Variants in ATP13A1 observed in about 807,000 individuals in gnomAD.
The protein encoded by ATP13A1 is ATPase 13A1.
ATP13A1 carries 55 observed loss-of-function variants against 134.8 expected under a neutral mutation model. The ratio of observed to expected loss-of-function variants is 0.41; its 90% CI spans 0.33 to 0.51. The LOEUF is 0.51. Ranked by LOEUF, ATP13A1 falls within the 20% of genes least tolerant of loss-of-function variation. ATP13A1 has a pLI of 0.29. For missense variants in ATP13A1, 1,389 were observed against 1,652.8 expected (o/e 0.84, Z 2.77); for synonymous variants, 775 against 725.1 (o/e 1.07, Z -1.10).
chr19:19,646,056 G>T, intron 23 of ATP13A1, 71 bp from the exon 24 acceptor site: 1 of 1,597,734 alleles, frequency 6.3e-7, no homozygotes. Flanking sequence ...GCTTCCTGCT[G>T]CCCTGGCACA....
At position 19,659,649 on chromosome 19, in the gene ATP13A1, T is replaced by G. The variant is rs755906081; in HGVS notation, c.629A>C (p.Gln210Pro). The G allele has an allele frequency of 1.9e-6, 3 of 1,613,886 alleles. No individual in the cohort carries two copies. The highest frequency in any genetic ancestry group is 2.5e-6 in the Non-Finnish European group (3 of 1,179,812). Reference protein sequence around the residue: ...FSYYQSNRGFQEDSEIRAAEK... With the variant: ...FSYYQSNRGFPEDSEIRAAEK... ...AGCTGCTCGGATCTCTGAGTCTTCC[T>G]GGAAGCCTCTGTTGCTCTGATAGTA... The change falls in exon 3 of 26, where the codon CAG becomes CCG. Residue 210 changes from glutamine to proline, a missense_variant. By Grantham distance (76) the Gln-to-Pro change is moderately conservative. Coordinates refer to ENST00000357324, the MANE Select transcript of ATP13A1 (RefSeq NM_020410.3).
intron 3 of ATP13A1, among the ~76,000 whole-genome samples, chr19:19,658,763 T>A (rs990997115): frequency 1.3e-5 from 2 of 152,176 alleles, no homozygotes; most frequent in African/African-American, 4.8e-5. Flanking sequence ...CGGTCTTCCA[T>A]CACCATTCTG....
In ATP13A1 at chr19:19,657,380, C is replaced by CT; in HGVS notation, c.705_706insA (p.Glu236ArgfsTer26). 6.4e-7 allele frequency: 1 copy of CT among 1,574,010 alleles called. No homozygotes were observed. The highest frequency in any genetic ancestry group is 8.6e-7 in the Non-Finnish European group (1 of 1,159,306). On this transcript the variant is annotated frameshift_variant, in exon 4 of 26. Transcript: ENST00000357324. LOFTEE classifies it high-confidence loss of function. ...GCTGTGGCTCTCTCCTTGAAAAGCT[C>CT]CGAGAAGTCAGGCACCACCATCTCG...
Position 19,647,721 on chromosome 19 carries a change from C to G in ATP13A1, c.2671G>C (p.Glu891Gln), listed in dbSNP as rs1180334789. The G allele has an allele frequency of 6.2e-7, 1 of 1,607,168 alleles. No homozygotes were observed. Among genetic ancestry groups the G allele is most frequent in the Non-Finnish European group, 8.5e-7 (1 of 1,178,824 alleles). The change falls in exon 20 of 26, where the codon GAG becomes CAG. Residue 891 changes from glutamate to glutamine, a missense_variant. Physicochemically the swap from Glu to Gln is conservative, Grantham distance 29. This residue lies in a region of ATP13A1 where 121 missense variants were observed against 104.9 expected (regional missense o/e 1.15). Coordinates refer to ENST00000357324, the MANE Select transcript of ATP13A1 (RefSeq NM_020410.3). The surrounding 1 kb of genome is among the most constrained non-coding windows in gnomAD (Gnocchi z 4.8). Reference sequence around the variant, plus strand: ...CTGTCCCGGGGCCGCCGTCGCCGCTCGACAACCCGCTCAGGGGCATTGGCC... The same window carrying G: ...CTGTCCCGGGGCCGCCGTCGCCGCTGGACAACCCGCTCAGGGGCATTGGCC... ...LLANAPERVV[E>Q]RRRRPRDSPT...
At position 19,649,618 on chromosome 19, in the gene ATP13A1, T is replaced by G. The variant is rs1418385092; in HGVS notation, c.2581A>C (p.Met861Leu). ...SLKELGYVTL[M>L]CGDGTNDVGA... ...ACGTCGTTGGTGCCATCCCCACACA[T>G]GAGGGTCACGTAGCCCAGCTCCTTC... Residue 861 changes from methionine (M) to leucine (L), a missense_variant, in exon 19 of 26, where the codon ATG becomes CTG. Around this residue, in one of 4 missense-constraint regions of ATP13A1, gnomAD observed 747 missense variants for 956.1 expected, o/e 0.78. Coordinates refer to ENST00000357324, the MANE Select transcript of ATP13A1 (RefSeq NM_020410.3). 2 of 1,613,770 alleles carry G rather than the reference T, an allele frequency of 1.2e-6. No homozygotes were observed. Among genetic ancestry groups the G allele is most frequent in the East Asian group, 2.2e-5 (1 of 44,874 alleles).
intron 15 of ATP13A1, 93 bp from the exon 16 acceptor site, chr19:19,652,813 G>A: frequency 6.8e-7 from 1 of 1,462,270 alleles, no homozygotes; most frequent in Non-Finnish European, 9.1e-7. Context: ...GGAGCCAAGG[G>A]GACAATGGAA....
In ATP13A1 at chr19:19,645,688, C is replaced by T. The variant is rs563912098; in HGVS notation, c.3463G>A (p.Asp1155Asn). 39 of 1,576,812 alleles carry T rather than the reference C, an allele frequency of 2.5e-5. No homozygotes were observed. Among genetic ancestry groups the T allele is most frequent in the African/African-American group, 4.0e-5 (3 of 74,304 alleles). ...IIGLLLGSSP[D>N]FNSQFGLVDI... Reference sequence around the variant, plus strand: ...ACGAGGCCAAACTGGCTGTTGAAGTCGGGCGAGGAGCCGAGGAGCAGGCCA... The same window carrying T: ...ACGAGGCCAAACTGGCTGTTGAAGTTGGGCGAGGAGCCGAGGAGCAGGCCA... The change falls in exon 25 of 26, where the codon GAC becomes AAC. Residue 1155 changes from aspartate to asparagine, a missense_variant. Asp to Asn is a conservative substitution (Grantham distance 23, BLOSUM62 1). This residue lies in a region of ATP13A1 where 228 missense variants were observed against 321.0 expected (regional missense o/e 0.71). Transcript: ENST00000357324. This position sits in a 1 kb window ranked among gnomAD's most constrained non-coding sequence, Gnocchi z 4.1.
intron 22 of ATP13A1, chr19:19,646,787 A>T (rs892266812): frequency 5.6e-5 from 22 of 389,640 alleles, no homozygotes; most frequent in African/African-American, 4.4e-4. Context: ...GGTGTCGCAC[A>T]GGCCTCCCCA....
chr19:19,647,203 T>G lies in ATP13A1; in HGVS notation c.3031A>C (p.Lys1011Gln), dbSNP rs1411079255. 1 of 1,613,874 alleles carries G rather than the reference T, an allele frequency of 6.2e-7. No individual in the cohort carries two copies. Among genetic ancestry groups the G allele is most frequent in the Non-Finnish European group, 8.5e-7 (1 of 1,179,860 alleles). ...SQSVLYLEGV[K>Q]FSDFQATLQG... ...AGGGTGGCCTGGAAGTCACTGAACT[T>G]GACTCCCTCCAGGTAGAGGACGCTC... is the stretch of plus-strand genomic sequence containing the variant. Residue 1011 changes from lysine (K) to glutamine (Q), a missense_variant, in exon 22 of 26, where the codon AAG becomes CAG. Transcript: ENST00000357324. The surrounding 1 kb of genome is among the most constrained non-coding windows in gnomAD (Gnocchi z 4.8).
intron 16 of ATP13A1, among the ~76,000 whole-genome samples, chr19:19,652,326 G>A (rs992051914): frequency 3.0e-4 from 46 of 152,316 alleles, no homozygotes; most frequent in African/African-American, 9.6e-4. Flanking sequence ...CCAGGACGGC[G>A]GTGGAACGGG....
Position 19,655,461 on chromosome 19 carries a change from G to C in ATP13A1, c.1397-8C>G. The C allele has an allele frequency of 1.9e-6, 3 of 1,614,016 alleles. No individual in the cohort carries two copies. The highest frequency in any genetic ancestry group is 2.5e-6 in the Non-Finnish European group (3 of 1,179,884). On this transcript the variant is annotated splice_polypyrimidine_tract_variant and splice_region_variant and intron_variant, in intron 10 of 25. Coordinates refer to ENST00000357324, the MANE Select transcript of ATP13A1 (RefSeq NM_020410.3). The surrounding 1 kb of genome is among the most constrained non-coding windows in gnomAD (Gnocchi z 5.7). ...GGCTGGGGTCCTTGGTACCTGTGGA[G>C]ACAGGGCCTGCCAACCTGGAGCCTC...
Position 19,663,275 on chromosome 19 carries a change from G to C in ATP13A1, c.392C>G (p.Thr131Ser). The change falls in exon 1 of 26, where the codon ACC becomes AGC. Residue 131 changes from threonine (T) to serine (S), a missense_variant. By Grantham distance (58) the Thr-to-Ser change is moderately conservative. This residue lies in a region of ATP13A1 where 293 missense variants were observed against 270.8 expected (regional missense o/e 1.08). Coordinates refer to ENST00000357324, the MANE Select transcript of ATP13A1 (RefSeq NM_020410.3). Reference sequence around the variant, plus strand: ...GGCTCGCGTGTACACACTTACCGGGGTGCAGGTGAGCGCGCAATGCGCGTG... The same window carrying C: ...GGCTCGCGTGTACACACTTACCGGGCTGCAGGTGAGCGCGCAATGCGCGTG... ...SVHAHCALTC[T>S]PEYDPSKATF... 1 of 1,579,756 alleles carries C rather than the reference G, an allele frequency of 6.3e-7. No individual in the cohort carries two copies. The highest frequency in any genetic ancestry group is 1.2e-5 in the South Asian group (1 of 86,378).
chr19:19,660,118 C>T, intron 1 of ATP13A1, 131 bp from the exon 2 acceptor site: 1 of 725,394 alleles, frequency 1.4e-6, no homozygotes, highest in South Asian at 1.7e-5. Context: ...GGTGCTGCCT[C>T]TGTCACTCCC....
Position 19,656,603 on chromosome 19 carries a change from A to G in ATP13A1, c.1083+57T>C. On this transcript the variant is annotated intron_variant, in intron 7 of 25. Coordinates refer to ENST00000357324, the MANE Select transcript of ATP13A1 (RefSeq NM_020410.3). The surrounding 1 kb of genome is among the most constrained non-coding windows in gnomAD (Gnocchi z 4.6). ...GATCCCCGCCACCCCCTGGGCCTCC[A>G]CCTCCTGGCCTGTTTCCTCCTGAAC... The G allele has an allele frequency of 6.4e-7, 1 of 1,556,552 alleles. No individual in the cohort carries two copies. The highest frequency in any genetic ancestry group is 1.7e-4 in the Middle Eastern group (1 of 5,976).
rs746035298 is a variant in ATP13A1 at position 19,655,702 on chromosome 19, C to T, written c.1270-48G>A. ...TTTCTGCTGTCTGGACTCCCTCCAG[C>T]AGCTCAGGCCTGGAAGCGTGGGCCT... On this transcript the variant is annotated intron_variant, in intron 9 of 25. Coordinates refer to ENST00000357324, the MANE Select transcript of ATP13A1 (RefSeq NM_020410.3). This position sits in a 1 kb window ranked among gnomAD's most constrained non-coding sequence, Gnocchi z 5.7. The T allele has an allele frequency of 1.3e-6, 2 of 1,589,616 alleles. No homozygotes were observed. Among genetic ancestry groups the T allele is most frequent in the Non-Finnish European group, 1.7e-6 (2 of 1,168,356 alleles).
intron 22 of ATP13A1, chr19:19,646,631 C>G (rs114631502): frequency 2.0e-6 from 1 of 508,552 alleles, no homozygotes; most frequent in East Asian, 3.5e-5. Flanking sequence ...CTGGAGCCCA[C>G]GGGACAGGCA....
intron 1 of ATP13A1, among the ~76,000 whole-genome samples, chr19:19,662,839 G>C (rs2062102635): frequency 6.6e-6 from 1 of 152,144 alleles, no homozygotes; most frequent in African/African-American, 2.4e-5. Context: ...TCATAGATGG[G>C]GGAAACCTAT....
In ATP13A1 at chr19:19,654,010, T is replaced by C. The variant is rs561144331; in HGVS notation, c.1948A>G (p.Ile650Val). The change falls in exon 14 of 26, where the codon ATC (isoleucine) becomes GTC (valine). Residue 650 changes from isoleucine to valine, a missense_variant. Coordinates refer to ENST00000357324, the MANE Select transcript of ATP13A1 (RefSeq NM_020410.3). The part of the protein sequence containing the change: ...EKLGSTDLCY[I>V]AAVKGAPETL... ...TCGGGGGCCCCCTTCACGGCCGCGA[T>C]GTAGCAGAGGTCGGTGGAGCCCAGC... The C allele has an allele frequency of 6.9e-6, 11 of 1,599,428 alleles. No individual in the cohort carries two copies. The South Asian group carries it at 7.9e-5, about 12-fold the overall frequency.
chr19:19,663,076 C>T lies in ATP13A1; in HGVS notation c.396+195G>A, dbSNP rs112396664. The T allele has an allele frequency of 0.029, 23,480 of 812,712 alleles. 461 individuals are homozygous for T. The highest frequency in any genetic ancestry group is 0.043 in the South Asian group (2,953 of 68,598). The allele number at this position is 812,712 out of a possible 1,614,324, so 50.3% of individuals were successfully genotyped here. On this transcript the variant is annotated intron_variant, in intron 1 of 25. Coordinates refer to ENST00000357324, the MANE Select transcript of ATP13A1 (RefSeq NM_020410.3). The stretch of plus-strand genomic sequence containing the variant: ...AGGACTTCAGAAAAAGGAAATAACC[C>T]GCACCAGGCATGCACAGCAAGTCAG...
Sources: gnomAD v4.1 joint callset for allele counts (sites outside exome capture counted in the v4.1 genomes callset) on GRCh38, gnomAD v4.1.1 for gene constraint, gnomAD v4.1.1 regional missense constraint, Gnocchi (gnomAD v3.1) non-coding constraint, MANE v1.5 for transcripts, NCBI Gene and HGNC (gene_info 2026-07-23, HGNC 2026-07-21) for gene names.